The following SRCIN1 variants were observed in gnomAD, a reference collection of about 807,000 sequenced individuals.
The protein encoded by SRCIN1 is P130Cas-associated protein.
A neutral mutation model predicts 116.2 loss-of-function variants in SRCIN1; 50 were observed. The observed-to-expected ratio is 0.43, with a 90% CI of 0.34 to 0.54. SRCIN1 has a LOEUF of 0.54. SRCIN1 is among the 20% of genes least tolerant of loss of function. The pLI is 0.02. For missense variants in SRCIN1, 1,446 were observed against 1,672.0 expected (o/e 0.86, Z 2.36); for synonymous variants, 736 against 750.0 (o/e 0.98, Z 0.30).
At chr17:38,571,895 C>T (rs1024948712) in intron 2 of SRCIN1, among the ~76,000 whole-genome samples, 2 of 152,166 alleles carry the variant, frequency 1.3e-5, no homozygotes, top group African/African-American at 4.8e-5. Flanking sequence ...CTCCCTTCCT[C>T]TCTCCTCCAT....
intron 18 of SRCIN1, among the ~76,000 whole-genome samples, chr17:38,543,546 C>A (rs1014581498): frequency 3.9e-5 from 6 of 152,212 alleles, no homozygotes; most frequent in African/African-American, 1.2e-4. Flanking sequence ...GCAGTGGCAG[C>A]TGGAGAGTCT....
At chr17:38,556,601 G>A (rs1158500939) in intron 11 of SRCIN1, among the ~76,000 whole-genome samples, 1 of 152,250 alleles carries the variant, frequency 6.6e-6, no homozygotes, top group Admixed American at 6.5e-5. Flanking sequence ...AGCCTGGGAA[G>A]GCTATGGGAG....
At chr17:38,567,816 C>T (rs945963177) in intron 3 of SRCIN1, among the ~76,000 whole-genome samples, 1 of 152,156 alleles carries the variant, frequency 6.6e-6, no homozygotes, top group African/African-American at 2.4e-5. Flanking sequence ...AGTCACAGGG[C>T]CTCCCTGGGA....
intron 1 of SRCIN1, among the ~76,000 whole-genome samples, chr17:38,601,443 G>A (rs1274645282): frequency 6.6e-6 from 1 of 152,174 alleles, no homozygotes; most frequent in Non-Finnish European, 1.5e-5. Context: ...CAGTGCAAGG[G>A]CAGCATAGCA....
chr17:38,605,275 T>G, intron 1 of SRCIN1, among the ~76,000 whole-genome samples: 1 of 97,322 alleles, frequency 1.0e-5, no homozygotes, highest in African/African-American at 4.1e-5. Flanking sequence ...CATCCTCCAC[T>G]TCCCCCACCT....
At chr17:38,566,866 TTTCC>T (rs71138633) in intron 3 of SRCIN1, among the ~76,000 whole-genome samples, 135 of 132,010 alleles carry the variant, frequency 1.0e-3, no homozygotes, top group Middle Eastern at 3.8e-3. Context: ...TTTTGTTTCG[TTTCC>T]TTCCTTCCTT....
Position 38,578,647 on chromosome 17 carries a change from C to T in SRCIN1, c.167G>A (p.Arg56Gln). Residue 56 changes from arginine (R) to glutamine (Q), a missense_variant, in exon 2 of 19, where the codon CGG becomes CAG. Physicochemically the swap from Arg to Gln is conservative, Grantham distance 43 (BLOSUM62 1). Coordinates refer to ENST00000617146, the MANE Select transcript of SRCIN1 (RefSeq NM_025248.3). ...ACTCTGGGCCGCGATCACCGTGTGC[C>T]GCCGCTCGGACGTGTGCACCAGCCC... ...NVGLVHTSER[R>Q]HTVIAAQSLE... is the part of the protein sequence containing the mutation. 3 of 1,592,874 alleles carry T rather than the reference C, an allele frequency of 1.9e-6. No homozygotes were observed. The highest frequency in any genetic ancestry group is 2.6e-6 in the Non-Finnish European group (3 of 1,170,948).
Position 38,563,906 on chromosome 17 carries a change from A to T in SRCIN1, c.541+212T>A. The T allele has an allele frequency of 1.6e-6, 1 of 612,970 alleles. No homozygotes were observed. The highest frequency in any genetic ancestry group is 2.9e-6 in the Non-Finnish European group (1 of 349,702). 38.0% of individuals were successfully genotyped at this position (612,970 alleles called of 1,614,324 possible). On this transcript the variant is annotated intron_variant, in intron 4 of 18. Transcript: ENST00000617146. This position sits in a 1 kb window ranked among gnomAD's most constrained non-coding sequence, Gnocchi z 5.8. ...GGACAGAAAAGGAAGCAAGAGGGAG[A>T]GAGGAGGCTTGGAGGGAAAGGGGTC...
chr17:38,578,808 G>A lies in SRCIN1; in HGVS notation c.23-17C>T, dbSNP rs993864682. 18 of 1,467,272 alleles carry A rather than the reference G, an allele frequency of 1.2e-5. No homozygotes were observed. The highest frequency in any genetic ancestry group is 1.5e-5 in the Non-Finnish European group (17 of 1,112,602). The allele number at this position is 1,467,272 out of a possible 1,614,324, so 90.9% of individuals were successfully genotyped here. A position where few individuals can be genotyped will look rare whatever the true frequency, so the allele number is the denominator to read the frequency against. The stretch of plus-strand genomic sequence containing the variant: ...GCTCCGGATCTGCGAGAGGTGAGAG[G>A]GGCACGGCTGGGTCACGGCGCGCCC... On this transcript the variant is annotated splice_polypyrimidine_tract_variant and intron_variant, in intron 1 of 18. Transcript: ENST00000617146.
intron 3 of SRCIN1, among the ~76,000 whole-genome samples, chr17:38,566,826 A>G (rs115407959): frequency 0.014 from 2,108 of 147,458 alleles, 57 homozygotes; most frequent in African/African-American, 0.049. Flanking sequence ...TGCCTGGAAC[A>G]TGCATCCTCT....
At chr17:38,582,440 G>A (rs942988681) in intron 1 of SRCIN1, among the ~76,000 whole-genome samples, 2 of 152,220 alleles carry the variant, frequency 1.3e-5, no homozygotes, top group African/African-American at 2.4e-5. Flanking sequence ...TGCACTATAT[G>A]ACTGCAGTCC....
At position 38,533,388 on chromosome 17, in the gene SRCIN1, G is replaced by C; in HGVS notation, c.3461C>G (p.Ser1154Trp). Reference sequence around the variant, plus strand: ...CGAGGGCTTTTCTGAGACTGGGCTCGAGGTCTCATTCGACCCGCTCATCTC... The same window carrying C: ...CGAGGGCTTTTCTGAGACTGGGCTCCAGGTCTCATTCGACCCGCTCATCTC... The part of the protein sequence containing the change: ...SKEMSGSNET[S>W]SPVSEKPSAS... The change falls in exon 19 of 19, where the codon TCG becomes TGG. Residue 1154 changes from serine (S) to tryptophan (W), a missense_variant. By Grantham distance (177) the Ser-to-Trp change is radical (BLOSUM62 -3). Transcript: ENST00000617146. The C allele has an allele frequency of 6.2e-7, 1 of 1,612,370 alleles. No homozygotes were observed. Among genetic ancestry groups the C allele is most frequent in the Non-Finnish European group, 8.5e-7 (1 of 1,179,428 alleles).
intron 1 of SRCIN1, among the ~76,000 whole-genome samples, chr17:38,593,457 G>A (rs7223941): frequency 0.022 from 3,281 of 152,228 alleles, 127 homozygotes; most frequent in African/African-American, 0.074. Flanking sequence ...AGGTGAAGGC[G>A]GAGGGGAAGG....
intron 18 of SRCIN1, among the ~76,000 whole-genome samples, chr17:38,535,527 C>G (rs2040989078): frequency 6.6e-6 from 1 of 152,136 alleles, no homozygotes; most frequent in South Asian, 2.1e-4. Context: ...TTTCTAACCC[C>G]TCTCCTCTGC....
Position 38,563,973 on chromosome 17 carries a change from G to A in SRCIN1, c.541+145C>T. On this transcript the variant is annotated intron_variant, in intron 4 of 18. Transcript: ENST00000617146. The surrounding 1 kb of genome is among the most constrained non-coding windows in gnomAD (Gnocchi z 5.8). ...GGCGAGAGAGAGATGGAGAGAGCTG[G>A]GGTTGCTTGGGGAGAAGGGGCTGTG... 1.1e-6 allele frequency: 1 copy of A among 882,198 alleles called. No homozygotes were observed. The highest frequency in any genetic ancestry group is 1.7e-6 in the Non-Finnish European group (1 of 575,844). The allele number at this position is 882,198 out of a possible 1,614,324, so 54.6% of individuals were successfully genotyped here.
chr17:38,579,386 C>T (rs1353820948), intron 1 of SRCIN1, among the ~76,000 whole-genome samples: 1 of 152,186 alleles, frequency 6.6e-6, no homozygotes, highest in Non-Finnish European at 1.5e-5. Flanking sequence ...GCAAAAATCG[C>T]TCTCAGGTTT....
intron 1 of SRCIN1, among the ~76,000 whole-genome samples, chr17:38,592,107 G>C (rs1456232856): frequency 6.6e-6 from 1 of 152,094 alleles, no homozygotes; most frequent in African/African-American, 2.4e-5. Context: ...TGGAAGGAGA[G>C]GCTCCCCCAC....
At chr17:38,589,522 A>G (rs1338835377) in intron 1 of SRCIN1, among the ~76,000 whole-genome samples, 6 of 152,150 alleles carry the variant, frequency 3.9e-5, no homozygotes, top group Non-Finnish European at 8.8e-5. Context: ...GTGTTTACAC[A>G]ATGTCTTAAA....
chr17:38,533,239 G>A lies in SRCIN1; in HGVS notation c.*58C>T, dbSNP rs1341488572. 1.3e-6 allele frequency: 2 copies of A among 1,511,348 alleles called. No homozygotes were observed. Among genetic ancestry groups the A allele is most frequent in the Non-Finnish European group, 1.8e-6 (2 of 1,128,852 alleles). 93.6% of individuals were successfully genotyped at this position (1,511,348 alleles called of 1,614,324 possible). ...GGTGGGGTGGAGATGAAGGAAGAGA[G>A]GGGAGAAATGGCAGGAGTGAGGGAG... is the stretch of plus-strand genomic sequence containing the variant. On this transcript the variant is annotated 3_prime_UTR_variant, in exon 19 of 19. Transcript: ENST00000617146.
Sources: allele counts gnomAD v4.1 joint callset (sites outside exome capture counted in the v4.1 genomes callset), GRCh38; gene constraint gnomAD v4.1.1; non-coding constraint Gnocchi (gnomAD v3.1); transcripts MANE v1.5; gene names NCBI Gene and HGNC (gene_info 2026-07-23, HGNC 2026-07-21).